NCOR1: variants seen among roughly 807,000 people sequenced by gnomAD.
The protein encoded by NCOR1 is nuclear receptor corepressor 1, also known as protein phosphatase 1, regulatory subunit 109.
Under a neutral mutation model 288.1 loss-of-function variants are expected in NCOR1, and 63 were observed. That is an observed-to-expected ratio of 0.22 (90% CI 0.18 to 0.27). The LOEUF (loss-of-function observed/expected upper bound fraction) is 0.27, where lower values mean the gene tolerates loss of function less well. Among genes scored for constraint, NCOR1 ranks in the 10% least tolerant of loss-of-function variants. The pLI is 1.00. For synonymous variants in NCOR1, 1,007 were observed against 1,065.9 expected (o/e 0.94, Z 1.08); for missense variants, 2,397 against 3,019.2 (o/e 0.79, Z 4.83).
chr17:16,140,195 T>C (rs556686105), intron 11 of NCOR1, among the ~76,000 whole-genome samples: 5 of 151,522 alleles, frequency 3.3e-5, no homozygotes, highest in Admixed American at 6.6e-5. Flanking sequence ...TGTTTCCTCA[T>C]GGAATCAGTC....
chr17:16,051,695 G>T (rs8065190), intron 40 of NCOR1, among the ~76,000 whole-genome samples: 87,758 of 151,826 alleles, frequency 0.58, 25,959 homozygotes, highest in African/African-American at 0.66. Context: ...GCGGATCACC[G>T]GAGGTCGGGA....
chr17:16,135,312 G>A (rs1000185453), intron 14 of NCOR1, among the ~76,000 whole-genome samples: 6 of 151,968 alleles, frequency 3.9e-5, no homozygotes, highest in African/African-American at 1.5e-4. Context: ...CTTCTCTCTG[G>A]TGGAATAGTG....
chr17:16,073,524 T>C lies in NCOR1; in HGVS notation c.3716A>G (p.His1239Arg). Reference protein sequence around the residue: ...REGTRSPRTAHEISLKRSYES... With the variant: ...REGTRSPRTAREISLKRSYES... ...ATAGCTTCTCTTTAAACTGATTTCA[T>C]GAGCTGTTCTTGGACTCCTAGTCCC... The change falls in exon 28 of 46, where the codon CAT becomes CGT. Residue 1239 changes from histidine (H) to arginine (R), a missense_variant. By Grantham distance (29) the His-to-Arg change is conservative (BLOSUM62 0). Transcript: ENST00000268712. 6.2e-7 allele frequency: 1 copy of C among 1,612,032 alleles called. No homozygotes were observed. Among genetic ancestry groups the C allele is most frequent in the Non-Finnish European group, 8.5e-7 (1 of 1,179,030 alleles).
At chr17:16,075,053 A>G (rs1353831930) in intron 27 of NCOR1, among the ~76,000 whole-genome samples, 1 of 152,104 alleles carries the variant, frequency 6.6e-6, no homozygotes, top group Middle Eastern at 3.2e-3. Context: ...TATTTTTAGT[A>G]GAGACAGGGT....
intron 34 of NCOR1, 100 bp from the exon 35 acceptor site, chr17:16,064,287 CT>C: frequency 6.9e-7 from 1 of 1,459,290 alleles, no homozygotes; most frequent in African/African-American, 1.4e-5. Context: ...TTTCAAAAAG[CT>C]TCAAATTTGG....
chr17:16,033,126 AC>A (rs568684589), intron 45 of NCOR1, among the ~76,000 whole-genome samples: 49 of 152,210 alleles, frequency 3.2e-4, no homozygotes, highest in Admixed American at 1.8e-3. Context: ...TGGGCAGATC[AC>A]CTGAGGTCGG....
rs901626766 is a variant in NCOR1, at chr17:16,032,080, G to A, written c.*216C>T. ...CCCTCCACTATTATTATAGTCCACT[G>A]AATTGCCTGTATCAAAGGCAGTTTT... On this transcript the variant is annotated 3_prime_UTR_variant, in exon 46 of 46. Transcript: ENST00000268712. The A allele has an allele frequency of 1.4e-5, 7 of 516,378 alleles. No homozygotes were observed. The African/African-American group carries it at 1.4e-4, about 10-fold the overall frequency. The allele number at this position is 516,378 out of a possible 1,614,324, so 32.0% of individuals were successfully genotyped here. A position where few individuals can be genotyped will look rare whatever the true frequency, so the allele number is the denominator to read the frequency against.
intron 5 of NCOR1, among the ~76,000 whole-genome samples, chr17:16,160,349 G>A (rs1047299846): frequency 1.3e-5 from 2 of 151,792 alleles, no homozygotes; most frequent in Non-Finnish European, 2.9e-5. Context: ...CTAAACCAGT[G>A]CCTGACACCT....
chr17:16,177,079 T>G (rs1395189662), intron 3 of NCOR1, among the ~76,000 whole-genome samples: 2 of 152,038 alleles, frequency 1.3e-5, no homozygotes, highest in East Asian at 3.8e-4. Flanking sequence ...TGTCCTTTTC[T>G]TCTGCACTCA....
chr17:16,105,062 T>G (rs2068343611), intron 19 of NCOR1, among the ~76,000 whole-genome samples: 1 of 152,146 alleles, frequency 6.6e-6, no homozygotes, highest in Non-Finnish European at 1.5e-5. Flanking sequence ...GGCAGAAAGT[T>G]CACAGAGGTA....
At chr17:16,172,052 T>TGG (rs1439998089) in intron 3 of NCOR1, 57 bp from the exon 4 acceptor site, 1 of 1,339,084 alleles carries the variant, frequency 7.5e-7, no homozygotes, top group Non-Finnish European at 1.0e-6. Context: ...TACAACTCCC[T>TGG]GGTAACATCC....
chr17:16,061,411 A>G lies in NCOR1; in HGVS notation c.5871T>C (p.Ser1957=). 1 of 1,614,050 alleles carries G rather than the reference A, an allele frequency of 6.2e-7. No individual in the cohort carries two copies. The highest frequency in any genetic ancestry group is 8.5e-7 in the Non-Finnish European group (1 of 1,179,920). Residue 1957 remains serine, a synonymous_variant, in exon 37 of 46, where the codon TCT becomes TCC. Coordinates refer to ENST00000268712, the MANE Select transcript of NCOR1 (RefSeq NM_006311.4). ...GATTGAGATACATACAGCTACTAGAAGAGTCTGAACTTTGAGAGCCACGTT... is the reference window on the plus strand; with the variant it reads ...GATTGAGATACATACAGCTACTAGAGGAGTCTGAACTTTGAGAGCCACGTT... The part of the protein sequence containing the change: ...ARERGSQSSD[S]SSSLSSHRYE...
chr17:16,031,221 G>A lies in NCOR1; in HGVS notation c.*1075C>T, dbSNP rs1971929202. 1 of 199,672 alleles carries A rather than the reference G, an allele frequency of 5.0e-6. No homozygotes were observed. The highest frequency in any genetic ancestry group is 2.3e-5 in the African/African-American group (1 of 43,498). The allele number at this position is 199,672 out of a possible 1,614,324, so 12.4% of individuals were successfully genotyped here. ...AGTAAATGCTGGTCCATAGTGATGG[G>A]GAAAAAGGACTGTGTTCACCATGAG... On this transcript the variant is annotated 3_prime_UTR_variant, in exon 46 of 46. Coordinates refer to ENST00000268712, the MANE Select transcript of NCOR1 (RefSeq NM_006311.4).
At chr17:16,068,725 T>TC (rs2061406675) in intron 31 of NCOR1, among the ~76,000 whole-genome samples, 1 of 151,442 alleles carries the variant, frequency 6.6e-6, no homozygotes, top group Non-Finnish European at 1.5e-5. Flanking sequence ...ATTTTTTTTT[T>TC]TTTTTTTTGA....
chr17:16,061,616 C>T lies in NCOR1; in HGVS notation c.5666G>A (p.Ser1889Asn). ...QCLYTSSAFP[S>N]GKPQPHSSVV... Reference sequence around the variant, plus strand: ...TGAAGAATGAGGCTGGGGCTTGCCACTTGGAAAGGCTGAAGAAGTGTATAA... The same window carrying T: ...TGAAGAATGAGGCTGGGGCTTGCCATTTGGAAAGGCTGAAGAAGTGTATAA... Residue 1889 changes from serine (S) to asparagine (N), a missense_variant, in exon 37 of 46, where the codon AGT becomes AAT. Coordinates refer to ENST00000268712, the MANE Select transcript of NCOR1 (RefSeq NM_006311.4). 6.2e-7 allele frequency: 1 copy of T among 1,614,224 alleles called. No individual in the cohort carries two copies. The highest frequency in any genetic ancestry group is 8.5e-7 in the Non-Finnish European group (1 of 1,180,042).
intron 4 of NCOR1, 27 bp downstream of exon 4, chr17:16,171,776 C>T (rs1401336005): frequency 6.6e-7 from 1 of 1,511,202 alleles, no homozygotes; most frequent in African/African-American, 1.4e-5. Context: ...ACCTACAACT[C>T]TACAGGGTAA....
rs1301103321 is a variant in NCOR1 at position 16,062,147 on chromosome 17, C to G, written c.5345G>C (p.Ser1782Thr). The change falls in exon 36 of 46, where the codon AGT becomes ACT. Residue 1782 changes from serine (S) to threonine (T), a missense_variant. This residue lies in a region of NCOR1 where 1,872 missense variants were observed against 2,187.8 expected (regional missense o/e 0.86). Transcript: ENST00000268712. ...PSVFQGTNGT[S>T]VITPLDPTAQ... Reference sequence around the variant, plus strand: ...AGTTGGATCCAAAGGTGTGATTACACTGGTTCCATTGGTTCCTTGGAAAAC... The same window carrying G: ...AGTTGGATCCAAAGGTGTGATTACAGTGGTTCCATTGGTTCCTTGGAAAAC... 1 of 1,613,788 alleles carries G rather than the reference C, an allele frequency of 6.2e-7. No individual in the cohort carries two copies. The highest frequency in any genetic ancestry group is 8.5e-7 in the Non-Finnish European group (1 of 1,179,950).
At chr17:16,182,049 G>A (rs891858333) in intron 3 of NCOR1, among the ~76,000 whole-genome samples, 6 of 152,112 alleles carry the variant, frequency 3.9e-5, no homozygotes, top group African/African-American at 1.4e-4. Flanking sequence ...TCAGATCACT[G>A]TGATTGTTGG....
intron 23 of NCOR1, among the ~76,000 whole-genome samples, chr17:16,085,860 T>C (rs1329685848): frequency 6.6e-6 from 1 of 152,176 alleles, no homozygotes; most frequent in African/African-American, 2.4e-5. Flanking sequence ...TAAAAAGTAA[T>C]GAACCAGAAA....
Sources: gnomAD v4.1 joint callset for allele counts (sites outside exome capture counted in the v4.1 genomes callset) on GRCh38, gnomAD v4.1.1 for gene constraint, gnomAD v4.1.1 regional missense constraint, MANE v1.5 for transcripts, NCBI Gene and HGNC (gene_info 2026-07-23, HGNC 2026-07-21) for gene names.